BBX: variants seen among roughly 807,000 people sequenced by gnomAD.
BBX encodes the protein BBX high mobility group box domain containing, also known as HMG box transcription factor BBX.
Under a neutral mutation model 100.2 loss-of-function variants are expected in BBX, and 30 were observed. That is an observed-to-expected ratio of 0.30 (90% CI 0.22 to 0.41). BBX has a LOEUF of 0.41. Among genes scored for constraint, BBX ranks in the 10% least tolerant of loss-of-function variants. The pLI is 1.00. For synonymous variants in BBX, 376 were observed against 388.1 expected, an observed-to-expected ratio of 0.97 and a Z score of 0.37; for missense variants, 1,023 against 1,129.8, an observed-to-expected ratio of 0.91 and a Z score of 1.35.
intron 5 of BBX, among the ~76,000 whole-genome samples, chr3:107,717,804 G>A (rs978865949): frequency 6.6e-6 from 1 of 152,046 alleles, no homozygotes; most frequent in South Asian, 2.1e-4. Flanking sequence ...TAAGGGATAA[G>A]CAAAGCAATA....
intron 5 of BBX, among the ~76,000 whole-genome samples, chr3:107,721,231 A>G (rs1183616789): frequency 2.6e-5 from 4 of 152,034 alleles, no homozygotes; most frequent in African/African-American, 7.2e-5. Flanking sequence ...TTAACACACT[A>G]TTTCCACAGG....
intron 2 of BBX, among the ~76,000 whole-genome samples, chr3:107,556,400 C>T (rs1438966665): frequency 2.0e-5 from 3 of 152,052 alleles, no homozygotes; most frequent in Non-Finnish European, 4.4e-5. Context: ...TAGATGCTGG[C>T]CTTGAGTCAG....
chr3:107,639,131 T>C (rs1208051474), intron 2 of BBX, among the ~76,000 whole-genome samples: 1 of 151,740 alleles, frequency 6.6e-6, no homozygotes, highest in Non-Finnish European at 1.5e-5. Context: ...TGTAAATTGA[T>C]AATTAATGAC....
rs1358262453 is a variant in BBX, at chr3:107,523,023, T to C, written c.-240T>C. On this transcript the variant is annotated 5_prime_UTR_variant, in exon 1 of 18. Transcript: ENST00000325805. ...GCGGAGGCAGAGCGGCTCCGCGAGC[T>C]TCTCTCCACTTTCCCATAGAGAAAC... 2 of 153,280 alleles carry C rather than the reference T, an allele frequency of 1.3e-5. No individual in the cohort carries two copies. The highest frequency in any genetic ancestry group is 2.9e-5 in the Non-Finnish European group (2 of 68,604). The allele number at this position is 153,280 out of a possible 1,614,324, so 9.5% of individuals were successfully genotyped here. A position where few individuals can be genotyped will look rare whatever the true frequency, so the allele number is the denominator to read the frequency against.
chr3:107,565,154 A>T (rs532621072), intron 2 of BBX, among the ~76,000 whole-genome samples: 110 of 152,224 alleles, frequency 7.2e-4, no homozygotes, highest in African/African-American at 1.9e-3. Flanking sequence ...TGATTTTTTT[A>T]AAAAATTGAT....
At chr3:107,803,021 T>A (rs1342899227) in intron 17 of BBX, among the ~76,000 whole-genome samples, 2 of 152,212 alleles carry the variant, frequency 1.3e-5, no homozygotes, top group Non-Finnish European at 2.9e-5. Context: ...CTGTCTACTT[T>A]CAGTATATTT....
At chr3:107,583,942 A>AAAG (rs1559839074) in intron 2 of BBX, among the ~76,000 whole-genome samples, 9 of 98,400 alleles carry the variant, frequency 9.1e-5, no homozygotes, top group African/African-American at 3.9e-4. Flanking sequence ...TATATATTAT[A>AAAG]TATATTATTA....
intron 3 of BBX, among the ~76,000 whole-genome samples, chr3:107,648,798 A>C (rs2057673235): frequency 6.6e-6 from 1 of 152,242 alleles, no homozygotes. Context: ...TTCATCTCAC[A>C]ATATGAAAAA....
At position 107,808,869 on chromosome 3, in the gene BBX, C is replaced by T. The variant is rs988226742; in HGVS notation, c.*3412C>T. Reference sequence around the variant, plus strand: ...TAATTCTGTCAGATGAGCTTTCTACCGATGCCATGTCCCAAAGCCATGTTA... The same window carrying T: ...TAATTCTGTCAGATGAGCTTTCTACTGATGCCATGTCCCAAAGCCATGTTA... On this transcript the variant is annotated 3_prime_UTR_variant, in exon 18 of 18. Coordinates refer to ENST00000325805, the MANE Select transcript of BBX (RefSeq NM_001142568.3). 4 of 152,120 alleles carry T rather than the reference C, an allele frequency of 2.6e-5. No homozygotes were observed. Among genetic ancestry groups the T allele is most frequent in the African/African-American group, 7.2e-5 (3 of 41,426 alleles). 9.4% of individuals were successfully genotyped at this position (152,120 alleles called of 1,614,324 possible).
chr3:107,543,024 A>G (rs774028018), intron 2 of BBX, among the ~76,000 whole-genome samples: 1 of 152,210 alleles, frequency 6.6e-6, no homozygotes, highest in Non-Finnish European at 1.5e-5. Flanking sequence ...CATTCTAAAC[A>G]TATGGTAAAC....
At chr3:107,721,382 TG>T (rs1316210869) in intron 5 of BBX, among the ~76,000 whole-genome samples, 1 of 152,032 alleles carries the variant, frequency 6.6e-6, no homozygotes, top group Admixed American at 6.6e-5. Flanking sequence ...TTGTTTTTTT[TG>T]CAGGGGTTGG....
At chr3:107,544,731 C>T (rs1447586824) in intron 2 of BBX, among the ~76,000 whole-genome samples, 1 of 150,452 alleles carries the variant, frequency 6.6e-6, no homozygotes. Context: ...TTTGACTGGG[C>T]ATGGTGGCTC....
At chr3:107,579,227 A>G (rs1444886075) in intron 2 of BBX, among the ~76,000 whole-genome samples, 1 of 152,164 alleles carries the variant, frequency 6.6e-6, no homozygotes, top group East Asian at 1.9e-4. Flanking sequence ...AATCTATGTC[A>G]GAAGATAGGT....
chr3:107,735,357 A>T (rs1390762344), intron 7 of BBX, among the ~76,000 whole-genome samples: 1 of 152,142 alleles, frequency 6.6e-6, no homozygotes, highest in African/African-American at 2.4e-5. Flanking sequence ...CAGAAATTTC[A>T]TATTTCTGAC....
rs4855762 is a variant in BBX, at chr3:107,697,740, T to A, written c.-9-12712T>A. On this transcript the variant is annotated intron_variant, in intron 3 of 17. Transcript: ENST00000325805. ...TGGGCTCCACCCAGTTCGAGCTTCC[T>A]GGCTGCTTTGTTTACCTAAGCAAGC... 3.1e-3 allele frequency among the ~76,000 whole-genome samples: 465 copies of A among 151,654 alleles called. 6 individuals carry two copies. The highest frequency in any genetic ancestry group is 1.4e-3 in the Non-Finnish European group (96 of 67,972).
chr3:107,579,464 C>T (rs2052088024), intron 2 of BBX, among the ~76,000 whole-genome samples: 1 of 152,182 alleles, frequency 6.6e-6, no homozygotes, highest in Non-Finnish European at 1.5e-5. Flanking sequence ...CATACTGGAT[C>T]CCTTCTTGCC....
chr3:107,572,755 T>A (rs1054604898), intron 2 of BBX, among the ~76,000 whole-genome samples: 2 of 152,172 alleles, frequency 1.3e-5, no homozygotes, highest in African/African-American at 4.8e-5. Flanking sequence ...TTACCTCTAT[T>A]GTTGTATTAA....
At chr3:107,579,777 G>A (rs667792) in intron 2 of BBX, among the ~76,000 whole-genome samples, 74,764 of 151,992 alleles carry the variant, frequency 0.49, 19,693 homozygotes, top group African/African-American at 0.65. Flanking sequence ...GGTTTTAGTT[G>A]GATATCGAGC....
intron 2 of BBX, among the ~76,000 whole-genome samples, chr3:107,589,390 A>G (rs1174573099): frequency 6.6e-6 from 1 of 152,200 alleles, no homozygotes; most frequent in African/African-American, 2.4e-5. Context: ...TTTAATCCTA[A>G]TTCTGAACTC....
Sources: gnomAD v4.1 joint callset for allele counts (sites outside exome capture counted in the v4.1 genomes callset) on GRCh38, gnomAD v4.1.1 for gene constraint, MANE v1.5 for transcripts, NCBI Gene and HGNC (gene_info 2026-07-23, HGNC 2026-07-21) for gene names.